HMGB1: variants seen among roughly 807,000 people sequenced by gnomAD.
HMGB1 encodes the protein high mobility group protein B1.
For missense variants in HMGB1, 79 were observed against 253.5 expected, an observed-to-expected ratio of 0.31 and a Z score of 4.67; for synonymous variants, 81 against 84.0, an observed-to-expected ratio of 0.96 and a Z score of 0.19.
chr13:30,536,864 G>A (rs1379936164), intron 1 of HMGB1, among the ~76,000 whole-genome samples: 4 of 151,942 alleles, frequency 2.6e-5, no homozygotes, highest in Non-Finnish European at 5.9e-5. Context: ...TACCACTTGG[G>A]CTACTGACTT....
At chr13:30,607,999 A>G (rs1478208635) in intron 1 of HMGB1, among the ~76,000 whole-genome samples, 1 of 152,172 alleles carries the variant, frequency 6.6e-6, no homozygotes, top group African/African-American at 2.4e-5. Flanking sequence ...ACCTTTGTGT[A>G]GGTAGGTCTG....
chr13:30,507,718 A>G (rs548695675), intron 1 of HMGB1, among the ~76,000 whole-genome samples: 3 of 152,282 alleles, frequency 2.0e-5, no homozygotes, highest in Admixed American at 6.5e-5. Flanking sequence ...GCACCCATCA[A>G]TTACAAGAGC....
In HMGB1 at chr13:30,605,710, G is replaced by T. The variant is rs1950451093; in HGVS notation, c.-15+10961C>A. Among the ~76,000 whole-genome samples the T allele has an allele frequency of 2.0e-5, 3 of 152,166 alleles. No individual in the cohort carries two copies. The South Asian group carries it at 6.2e-4, about 32-fold the overall frequency. On this transcript the variant is annotated intron_variant, in intron 1 of 4. Transcript: ENST00000405805. ...ATACATTCTCTTGAGGCCTTTTCTTGCAAAGCTCAGTGAAGAAACATGGTT... is the reference window on the plus strand; with the variant it reads ...ATACATTCTCTTGAGGCCTTTTCTTTCAAAGCTCAGTGAAGAAACATGGTT...
intron 1 of HMGB1, among the ~76,000 whole-genome samples, chr13:30,533,367 G>T (rs1888540131): frequency 6.6e-6 from 1 of 152,016 alleles, no homozygotes; most frequent in Non-Finnish European, 1.5e-5. Context: ...TTCAAACTTT[G>T]TTTTTTGTTG....
upstream of HMGB1, among the ~76,000 whole-genome samples, chr13:30,468,727 G>A (rs1305078436): frequency 6.6e-6 from 1 of 152,106 alleles, no homozygotes; most frequent in Non-Finnish European, 1.5e-5. Flanking sequence ...GATATAGGCA[G>A]GGAAGAACAT....
intron 1 of HMGB1, among the ~76,000 whole-genome samples, chr13:30,547,179 T>C (rs1190076408): frequency 6.6e-6 from 1 of 152,264 alleles, no homozygotes; most frequent in African/African-American, 2.4e-5. Flanking sequence ...TTAGTTACAG[T>C]TTTAAGAAAA....
At chr13:30,546,853 T>G (rs1869183894) in intron 1 of HMGB1, among the ~76,000 whole-genome samples, 1 of 152,240 alleles carries the variant, frequency 6.6e-6, no homozygotes, top group Non-Finnish European at 1.5e-5. Flanking sequence ...GAATCCACCT[T>G]TAGGGGTACC....
intron 1 of HMGB1, among the ~76,000 whole-genome samples, chr13:30,499,287 C>T (rs1015133401): frequency 1.3e-5 from 2 of 152,120 alleles, no homozygotes; most frequent in African/African-American, 2.4e-5. Flanking sequence ...TTCTTCGCCC[C>T]GAAGATGGGT....
At chr13:30,510,133 C>T (rs529480334) in intron 1 of HMGB1, among the ~76,000 whole-genome samples, 40 of 152,272 alleles carry the variant, frequency 2.6e-4, no homozygotes, top group African/African-American at 8.7e-4. Context: ...GGCCGGGCAC[C>T]GTAACTGACC....
chr13:30,456,760 C>CGGGGGGGG lies in HMGB1; in HGVS notation c.*4589_*4596dup, dbSNP rs386378689. On this transcript the variant is annotated 3_prime_UTR_variant, in exon 5 of 5. Coordinates refer to ENST00000341423, the MANE Select transcript of HMGB1 (RefSeq NM_002128.7). ...CAGCATAAATAACAGCTTTTGTGGG[C>CGGGGGGGG]GGGGGGGGGGGGTGGTGGGGTGCAA... 32 of 13,492 alleles carry CGGGGGGGG rather than the reference C, an allele frequency of 2.4e-3. No homozygotes were observed. The highest frequency in any genetic ancestry group is 3.4e-3 in the Admixed American group (3 of 892). The allele number at this position is 13,492 out of a possible 1,614,324, so 0.8% of individuals were successfully genotyped here. A position where few individuals can be genotyped will look rare whatever the true frequency, so the allele number is the denominator to read the frequency against.
At chr13:30,586,537 G>GAGT (rs1470052800) in intron 1 of HMGB1, among the ~76,000 whole-genome samples, 1 of 143,326 alleles carries the variant, frequency 7.0e-6, no homozygotes, top group African/African-American at 2.5e-5. Context: ...GCCCAGGCTG[G>GAGT]AGTGCAGTGG....
chr13:30,499,673 T>G (rs958078707), intron 1 of HMGB1, among the ~76,000 whole-genome samples: 61 of 152,236 alleles, frequency 4.0e-4, no homozygotes, highest in Admixed American at 4.0e-3. Flanking sequence ...AGATTCCCTC[T>G]TCTTTAAAAA....
chr13:30,605,056 C>T (rs994647742), intron 1 of HMGB1, among the ~76,000 whole-genome samples: 2 of 152,170 alleles, frequency 1.3e-5, no homozygotes, highest in African/African-American at 2.4e-5. Flanking sequence ...ACTGCCTGAG[C>T]AATGAGAAGA....
In HMGB1 at chr13:30,559,370, G is replaced by A. The variant is rs142501980; in HGVS notation, c.-15+57301C>T. Reference sequence around the variant, plus strand: ...TTTTACAGGGTGAACTCCCAATCCCGGTAAGATGGCCCGAGTTTCATTGCT... The same window carrying A: ...TTTTACAGGGTGAACTCCCAATCCCAGTAAGATGGCCCGAGTTTCATTGCT... On this transcript the variant is annotated intron_variant, in intron 1 of 4. Coordinates refer to the HMGB1 transcript ENST00000405805. The surrounding 1 kb of genome is among the most constrained non-coding windows in gnomAD (Gnocchi z 6.6). Among the ~76,000 whole-genome samples, 171 of 152,228 alleles carry A rather than the reference G, an allele frequency of 1.1e-3. No homozygotes were observed. The highest frequency in any genetic ancestry group is 3.1e-3 in the African/African-American group (129 of 41,546).
intron 1 of HMGB1, among the ~76,000 whole-genome samples, chr13:30,517,306 AG>A (rs2137469938): frequency 6.6e-6 from 1 of 152,402 alleles, no homozygotes. Flanking sequence ...AGAACCACTG[AG>A]AATGCAGTTC....
intron 1 of HMGB1, among the ~76,000 whole-genome samples, chr13:30,485,034 C>CTTTTTTTT (rs59990628): frequency 7.4e-6 from 1 of 134,568 alleles, no homozygotes; most frequent in East Asian, 2.1e-4. Context: ...TTTTCTTTTT[C>CTTTTTTTT]TTTTTTTTTT....
At chr13:30,579,401 C>T (rs891526095) in intron 1 of HMGB1, among the ~76,000 whole-genome samples, 20 of 152,126 alleles carry the variant, frequency 1.3e-4, no homozygotes, top group Admixed American at 2.6e-4. Flanking sequence ...CATTGTAGAA[C>T]GTGGTTTTAA....
chr13:30,491,420 A>G (rs1004997241), intron 1 of HMGB1, among the ~76,000 whole-genome samples: 25 of 152,350 alleles, frequency 1.6e-4, no homozygotes, highest in African/African-American at 6.0e-4. Context: ...ACGGTGGCTC[A>G]TGCCTGTAAT....
At position 30,559,541 on chromosome 13, in the gene HMGB1, T is replaced by C. The variant is rs542725765; in HGVS notation, c.-15+57130A>G. On this transcript the variant is annotated intron_variant, in intron 1 of 4. Transcript: ENST00000405805. This position sits in a 1 kb window ranked among gnomAD's most constrained non-coding sequence, Gnocchi z 6.6. ...TATTGCAAAGTAGTGTTCAGAGATG[T>C]GCGTGTAGTAGGCTGCCTGCTCTAA... Among the ~76,000 whole-genome samples the C allele has an allele frequency of 6.6e-6, 1 of 152,284 alleles. No homozygotes were observed. The highest frequency in any genetic ancestry group is 6.5e-5 in the Admixed American group (1 of 15,290).
Sources: gnomAD v4.1 joint callset for allele counts (sites outside exome capture counted in the v4.1 genomes callset) on GRCh38, gnomAD v4.1.1 for gene constraint, Gnocchi (gnomAD v3.1) non-coding constraint, MANE v1.5 for transcripts, NCBI Gene and HGNC (gene_info 2026-07-23, HGNC 2026-07-21) for gene names.